The following SCN9A variants were observed in gnomAD, a reference collection of about 807,000 sequenced individuals.
SCN9A encodes the protein sodium voltage-gated channel alpha subunit 9, also known as sodium channel protein type 9 subunit alpha.
SCN9A carries 131 observed loss-of-function variants against 187.0 expected under a neutral mutation model. The observed-to-expected ratio is 0.70, with a 90% CI of 0.61 to 0.81. The LOEUF is 0.81. SCN9A is among the 30% of genes least tolerant of loss of function. The pLI is 0.00. For missense variants in SCN9A, 2,252 were observed against 2,396.6 expected (o/e 0.94, Z 1.26); for synonymous variants, 809 against 808.6 (o/e 1.00, Z -0.01).
chr2:166,199,767 G>C lies in SCN9A; in HGVS notation c.4872C>G (p.Val1624=). ...GCGTGCGGATCCCCTTTGCTCCTTT[G>C]ACTAGACGTAGGATTCGGCCAATCC... ...LARIGRILRL[V]KGAKGIRTLL... Residue 1624 remains valine, a synonymous_variant, in exon 27 of 27, where the codon GTC becomes GTG. Coordinates refer to ENST00000642356, the MANE Select transcript of SCN9A (RefSeq NM_001365536.1). The C allele has an allele frequency of 1.2e-6, 2 of 1,614,032 alleles. No individual in the cohort carries two copies. Among genetic ancestry groups the C allele is most frequent in the Non-Finnish European group, 1.7e-6 (2 of 1,180,032 alleles).
chr2:166,360,219 C>CAAAAAAAA (rs1251018524), intron 1 of SCN9A, among the ~76,000 whole-genome samples: 1 of 24,038 alleles, frequency 4.2e-5, no homozygotes, highest in Non-Finnish European at 7.5e-5. Flanking sequence ...AACTCTGTCT[C>CAAAAAAAA]AAAAAAAAAA....
At chr2:166,233,922 A>G (rs1256502949) in intron 20 of SCN9A, among the ~76,000 whole-genome samples, 2 of 152,072 alleles carry the variant, frequency 1.3e-5, no homozygotes, top group Admixed American at 1.3e-4. Flanking sequence ...CATTTTGAAG[A>G]CTCATGATTT....
rs199927766 is a variant in SCN9A at position 166,286,593 on chromosome 2, T to C, written c.1345A>G (p.Ser449Gly). 1.3e-6 allele frequency: 2 copies of C among 1,576,928 alleles called. No individual in the cohort carries two copies. Among genetic ancestry groups the C allele is most frequent in the East Asian group, 2.2e-5 (1 of 44,508 alleles). The change falls in exon 11 of 27, where the codon AGT becomes GGT. Residue 449 changes from serine to glycine, a missense_variant. Ser to Gly is a moderately conservative substitution (Grantham distance 56, BLOSUM62 0). Around this residue, in one of 7 missense-constraint regions of SCN9A, gnomAD observed 1,013 missense variants for 997.4 expected, o/e 1.02. Coordinates refer to ENST00000642356, the MANE Select transcript of SCN9A (RefSeq NM_001365536.1). ...AIAAAAAEYT[S>G]IRRSRIMGLS... The stretch of plus-strand genomic sequence containing the variant: ...CCCATAATTCTGCTTCTCCTAATAC[T>C]TGTATATTCAGCCGCTGCCGCTGCA...
intron 1 of SCN9A, among the ~76,000 whole-genome samples, chr2:166,363,006 G>A (rs1362272871): frequency 6.6e-6 from 1 of 151,882 alleles, no homozygotes; most frequent in African/African-American, 2.4e-5. Flanking sequence ...ACTCCCCAGT[G>A]GGAAAAGGTA....
At chr2:166,273,226 C>T (rs561933862) in intron 16 of SCN9A, among the ~76,000 whole-genome samples, 1 of 152,050 alleles carries the variant, frequency 6.6e-6, no homozygotes, top group Admixed American at 6.6e-5. Flanking sequence ...TTTTATGAAC[C>T]CAAAAAACTC....
chr2:166,326,499 T>A (rs1288706949), intron 1 of SCN9A, among the ~76,000 whole-genome samples: 1 of 152,206 alleles, frequency 6.6e-6, no homozygotes, highest in Non-Finnish European at 1.5e-5. Context: ...CTTGGCAGGA[T>A]GTCTACAGCA....
intron 24 of SCN9A, among the ~76,000 whole-genome samples, chr2:166,211,834 A>G (rs917337431): frequency 1.3e-5 from 2 of 152,154 alleles, no homozygotes; most frequent in Non-Finnish European, 2.9e-5. Context: ...CAATCACAAA[A>G]GAAGACAGTT....
rs267607030 is a variant in SCN9A, at chr2:166,311,728, T to C, written c.29A>G (p.Gln10Arg). MAMLPPPGP[Q>R]SFVHFTKQSL... The stretch of plus-strand genomic sequence containing the variant: ...CTGTTTTGTGAAATGGACAAAGCTC[T>C]GAGGTCCTGGGGGAGGCAACATTGC... Residue 10 changes from glutamine (Q) to arginine (R), a missense_variant, in exon 2 of 27, where the codon CAG becomes CGG. Physicochemically the swap from Gln to Arg is conservative, Grantham distance 43. Transcript: ENST00000642356. 61 of 1,609,248 alleles carry C rather than the reference T, an allele frequency of 3.8e-5. 1 individual carries two copies. The East Asian group carries it at 1.3e-3, about 35-fold the overall frequency.
At chr2:166,223,548 G>T (rs1694716478) in intron 24 of SCN9A, among the ~76,000 whole-genome samples, 1 of 152,228 alleles carries the variant, frequency 6.6e-6, no homozygotes, top group African/African-American at 2.4e-5. Context: ...ACAGAGAGAA[G>T]AATGGTGATT....
At chr2:166,232,619 T>C (rs1325196475) in intron 21 of SCN9A, among the ~76,000 whole-genome samples, 3 of 151,850 alleles carry the variant, frequency 2.0e-5, no homozygotes, top group Non-Finnish European at 4.4e-5. Context: ...TTCCATTTAA[T>C]ATGAAAAAAG....
chr2:166,273,040 C>T (rs148113024), intron 16 of SCN9A, among the ~76,000 whole-genome samples, 165 bp from the exon 17 acceptor site: 19 of 151,986 alleles, frequency 1.3e-4, no homozygotes, highest in Non-Finnish European at 1.9e-4. Context: ...GAGACAGAGG[C>T]GAGGGTAGAC....
chr2:166,304,763 G>A lies in SCN9A; in HGVS notation c.597-434C>T, dbSNP rs574854330. On this transcript the variant is annotated intron_variant, in intron 5 of 26. Transcript: ENST00000642356. ...GATGAGTGGTTTCCAAGGGGCCAGG[G>A]AGAGAAGGAAATTGAAGTGACTGCT... 3.3e-5 allele frequency among the ~76,000 whole-genome samples: 5 copies of A among 152,214 alleles called. No homozygotes were observed. In the South Asian group the frequency reaches 1.0e-3, roughly 32 times the overall value.
chr2:166,324,026 AG>A (rs1416634441), intron 1 of SCN9A, among the ~76,000 whole-genome samples: 5 of 151,202 alleles, frequency 3.3e-5, no homozygotes, highest in African/African-American at 7.3e-5. Flanking sequence ...TCTTATTTCA[AG>A]GAGCAGGAAA....
intron 17 of SCN9A, among the ~76,000 whole-genome samples, chr2:166,254,946 T>A (rs902938663): frequency 6.6e-6 from 1 of 151,608 alleles, no homozygotes; most frequent in East Asian, 1.9e-4. Context: ...TTTTATTGAA[T>A]AATATGATAT....
intron 15 of SCN9A, 149 bp downstream of exon 15, chr2:166,277,991 A>C: frequency 1.7e-6 from 1 of 592,644 alleles, no homozygotes; most frequent in Non-Finnish European, 2.8e-6. Flanking sequence ...CTTTAAGTGC[A>C]TTTGTCAATG....
chr2:166,215,050 C>T (rs1340395925), intron 24 of SCN9A, among the ~76,000 whole-genome samples: 1 of 152,120 alleles, frequency 6.6e-6, no homozygotes, highest in Non-Finnish European at 1.5e-5. Flanking sequence ...CATGTTAGGC[C>T]ACCAAACAAG....
At position 166,353,235 on chromosome 2, in the gene SCN9A, A is replaced by AAG. The variant is rs573125010; in HGVS notation, c.-51+22460_-51+22461dup. The stretch of plus-strand genomic sequence containing the variant: ...AGTCCCTGTTTCCAAAAAAAAAAAA[A>AAG]AGAGAAAAAAGAGCTGTGCTACAAA... On this transcript the variant is annotated intron_variant, in intron 1 of 26. Transcript: ENST00000642356. Among the ~76,000 whole-genome samples the AAG allele has an allele frequency of 1.0e-2, 1,515 of 151,584 alleles. 33 individuals are homozygous for AAG. Among genetic ancestry groups the AAG allele is most frequent in the African/African-American group, 0.035 (1,441 of 41,274 alleles).
At chr2:166,343,416 A>G (rs1021497364) in intron 1 of SCN9A, among the ~76,000 whole-genome samples, 3 of 152,116 alleles carry the variant, frequency 2.0e-5, no homozygotes, top group Admixed American at 2.0e-4. Context: ...ATTAAATAAA[A>G]TATTTATTTT....
At chr2:166,334,634 C>T (rs1164123184) in intron 1 of SCN9A, among the ~76,000 whole-genome samples, 1 of 151,966 alleles carries the variant, frequency 6.6e-6, no homozygotes, top group Non-Finnish European at 1.5e-5. Flanking sequence ...AGGAATTTTT[C>T]CCCCAAATTG....
Sources: allele counts gnomAD v4.1 joint callset (sites outside exome capture counted in the v4.1 genomes callset), GRCh38; gene constraint gnomAD v4.1.1; regional missense constraint gnomAD v4.1.1; transcripts MANE v1.5; gene names NCBI Gene and HGNC (gene_info 2026-07-23, HGNC 2026-07-21).